WDFY4: variants seen among roughly 807,000 people sequenced by gnomAD.
WDFY4 encodes the protein WD repeat- and FYVE domain-containing protein 4.
In WDFY4, 169 loss-of-function variants were observed where a neutral mutation model predicts 351.9. The ratio of observed to expected loss-of-function variants is 0.48; its 90% CI spans 0.42 to 0.55. The LOEUF (loss-of-function observed/expected upper bound fraction) is 0.55. Ranked by LOEUF, WDFY4 falls within the 20% of genes least tolerant of loss-of-function variation. The pLI, the probability that WDFY4 is intolerant of heterozygous loss-of-function variation, is 0.00. For missense variants in WDFY4, 3,803 were observed against 3,935.6 expected (o/e 0.97, Z 0.90); for synonymous variants, 1,622 against 1,574.6 (o/e 1.03, Z -0.71).
chr10:48,820,970 A>T, intron 33 of WDFY4, 92 bp from the exon 34 acceptor site: 1 of 863,270 alleles, frequency 1.2e-6, no homozygotes, highest in Non-Finnish European at 1.9e-6. Flanking sequence ...CAGATGCGGC[A>T]TAAGTGTCCC....
At chr10:48,784,788 C>T (rs1235864372) in intron 19 of WDFY4, among the ~76,000 whole-genome samples, 2 of 150,120 alleles carry the variant, frequency 1.3e-5, no homozygotes, top group Non-Finnish European at 3.0e-5. Context: ...GATCTGCCCA[C>T]CTCAGCCTCC....
chr10:48,813,917 T>C, intron 30 of WDFY4, 40 bp from the exon 31 acceptor site: 1 of 1,459,204 alleles, frequency 6.9e-7, no homozygotes. Context: ...TCTTGGTGAG[T>C]AGCCGCAGGT....
chr10:48,856,834 T>C (rs569347087), intron 39 of WDFY4, among the ~76,000 whole-genome samples: 2 of 152,268 alleles, frequency 1.3e-5, no homozygotes, highest in South Asian at 4.1e-4. Context: ...TTATGCAATA[T>C]AGAAAAATTA....
intron 34 of WDFY4, among the ~76,000 whole-genome samples, chr10:48,822,094 C>A (rs1238433547): frequency 6.6e-6 from 1 of 152,176 alleles, no homozygotes; most frequent in Non-Finnish European, 1.5e-5. Flanking sequence ...TTGTCTCAAG[C>A]AGCACATTCT....
At chr10:48,707,240 A>G (rs1304383227) in intron 1 of WDFY4, among the ~76,000 whole-genome samples, 2 of 152,212 alleles carry the variant, frequency 1.3e-5, no homozygotes, top group Non-Finnish European at 2.9e-5. Context: ...TCCTTCAATC[A>G]GATTGCAAAC....
intron 47 of WDFY4, among the ~76,000 whole-genome samples, chr10:48,907,417 G>T (rs1469607456): frequency 6.6e-6 from 1 of 152,184 alleles, no homozygotes; most frequent in Non-Finnish European, 1.5e-5. Context: ...GGTGTTTGCA[G>T]TTCCTAAAAT....
chr10:48,850,525 T>C (rs2068924087), intron 39 of WDFY4, among the ~76,000 whole-genome samples: 2 of 152,246 alleles, frequency 1.3e-5, no homozygotes, highest in African/African-American at 4.8e-5. Flanking sequence ...CTGCTCACAA[T>C]TTTGTTTTAA....
chr10:48,840,207 T>C (rs993716072), intron 39 of WDFY4, among the ~76,000 whole-genome samples: 2 of 152,212 alleles, frequency 1.3e-5, no homozygotes, highest in African/African-American at 4.8e-5. Context: ...CCCTCAGTCT[T>C]GCAGGCAGCC....
intron 14 of WDFY4, among the ~76,000 whole-genome samples, chr10:48,775,357 G>A (rs1427541981): frequency 6.6e-6 from 1 of 152,180 alleles, no homozygotes; most frequent in Non-Finnish European, 1.5e-5. Context: ...AGCCTTTCCA[G>A]CCAGCAGACA....
intron 21 of WDFY4, 35 bp downstream of exon 21, chr10:48,788,710 G>A: frequency 6.5e-7 from 1 of 1,547,754 alleles, no homozygotes; most frequent in Admixed American, 2.0e-5. Flanking sequence ...ATCTCTGTTG[G>A]AATCTGGTTT....
At chr10:48,871,109 T>C (rs1470250981) in intron 40 of WDFY4, among the ~76,000 whole-genome samples, 1 of 152,120 alleles carries the variant, frequency 6.6e-6, no homozygotes, top group Admixed American at 6.5e-5. Context: ...AATTTTTTTG[T>C]ATTTTTTAGA....
intron 2 of WDFY4, among the ~76,000 whole-genome samples, chr10:48,718,715 A>G (rs2063985240): frequency 6.6e-6 from 1 of 152,236 alleles, no homozygotes; most frequent in Non-Finnish European, 1.5e-5. Context: ...TCGCACGACT[A>G]GGAAACTTAG....
chr10:48,903,815 A>G (rs765929205), intron 47 of WDFY4, among the ~76,000 whole-genome samples: 11 of 152,218 alleles, frequency 7.2e-5, no homozygotes, highest in Non-Finnish European at 1.3e-4. Flanking sequence ...AATTTAGAAT[A>G]GTGTTTAAAG....
At chr10:48,862,746 C>T (rs1367958866) in intron 39 of WDFY4, among the ~76,000 whole-genome samples, 1 of 152,154 alleles carries the variant, frequency 6.6e-6, no homozygotes, top group Non-Finnish European at 1.5e-5. Flanking sequence ...CCAGTCCCTG[C>T]TGCCAAAAAA....
chr10:48,881,017 C>T (rs1381990315), intron 43 of WDFY4, among the ~76,000 whole-genome samples: 3 of 151,468 alleles, frequency 2.0e-5, no homozygotes, highest in African/African-American at 4.9e-5. Flanking sequence ...GAGAACCATT[C>T]CCCAGCCTCC....
intron 43 of WDFY4, among the ~76,000 whole-genome samples, chr10:48,887,470 A>G (rs1330663795): frequency 1.3e-5 from 2 of 152,198 alleles, no homozygotes; most frequent in Non-Finnish European, 2.9e-5. Flanking sequence ...TTGACCTGCA[A>G]TTCTGCTTAT....
At chr10:48,947,583 A>G (rs1042563097) in intron 51 of WDFY4, among the ~76,000 whole-genome samples, 1 of 152,222 alleles carries the variant, frequency 6.6e-6, no homozygotes, top group African/African-American at 2.4e-5. Context: ...TGTATTGTAT[A>G]TGGCCACTCT....
chr10:48,798,039 A>T (rs1004490935), intron 24 of WDFY4, among the ~76,000 whole-genome samples: 13 of 152,208 alleles, frequency 8.5e-5, no homozygotes, highest in Non-Finnish European at 1.3e-4. Context: ...CAGGTGAAAA[A>T]GTCGAACTTG....
At chr10:48,789,345 C>T (rs1255444230) in intron 21 of WDFY4, among the ~76,000 whole-genome samples, 1 of 152,184 alleles carries the variant, frequency 6.6e-6, no homozygotes, top group Non-Finnish European at 1.5e-5. Flanking sequence ...TTCCTTCACC[C>T]TAATGGACAG....
Sources: allele counts gnomAD v4.1 joint callset (sites outside exome capture counted in the v4.1 genomes callset), GRCh38; gene constraint gnomAD v4.1.1; transcripts MANE v1.5; gene names NCBI Gene and HGNC (gene_info 2026-07-23, HGNC 2026-07-21).